Variants in TMEM26 observed in about 807,000 individuals in gnomAD.
TMEM26 encodes the protein transmembrane protein 26.
TMEM26 carries 38 observed loss-of-function variants against 28.8 expected under a neutral mutation model. The observed-to-expected ratio is 1.32, with a 90% confidence interval of 1.02 to 1.73. TMEM26 has a LOEUF of 1.73. Ranked by LOEUF, TMEM26 falls within the 40% of genes most tolerant of loss-of-function variation. The probability of loss-of-function intolerance (pLI) is 0.00; values close to 1 mark genes in which losing one functional copy is unlikely to be tolerated. For missense variants in TMEM26, 518 were observed against 447.1 expected (o/e 1.16, Z -1.43); for synonymous variants, 227 against 182.9 (o/e 1.24, Z -1.95).
chr10:61,453,271 G>A lies in TMEM26; in HGVS notation c.-190C>T. On this transcript the variant is annotated 5_prime_UTR_variant, in exon 1 of 6. Coordinates refer to ENST00000399298, the MANE Select transcript of TMEM26 (RefSeq NM_178505.8). ...GGCTCGCCCCTCCCCCAAACTTCCTGAGAACTCTTCAAAGAGGGGTGAGTC... is the reference window on the plus strand; with the variant it reads ...GGCTCGCCCCTCCCCCAAACTTCCTAAGAACTCTTCAAAGAGGGGTGAGTC... 1 of 613,212 alleles carries A rather than the reference G, an allele frequency of 1.6e-6. No homozygotes were observed. The highest frequency in any genetic ancestry group is 2.8e-6 in the Non-Finnish European group (1 of 351,342). The allele number at this position is 613,212 out of a possible 1,614,324, so 38.0% of individuals were successfully genotyped here.
chr10:61,451,686 C>T (rs566416333), intron 1 of TMEM26, among the ~76,000 whole-genome samples: 14 of 152,284 alleles, frequency 9.2e-5, no homozygotes, highest in South Asian at 6.2e-4. Flanking sequence ...GGGGTAGTCA[C>T]ATTCCCATCC....
At chr10:61,426,720 C>A (rs182873231) in intron 4 of TMEM26, among the ~76,000 whole-genome samples, 1 of 152,074 alleles carries the variant, frequency 6.6e-6, no homozygotes, top group African/African-American at 2.4e-5. Context: ...GAAGTGATCC[C>A]TTCTTCTATT....
At chr10:61,432,426 CG>C (rs763768786) in intron 2 of TMEM26, among the ~76,000 whole-genome samples, 44 of 151,802 alleles carry the variant, frequency 2.9e-4, no homozygotes, top group East Asian at 3.9e-4. Flanking sequence ...GCTGGGAATC[CG>C]AGGTAAAGTA....
chr10:61,410,558 C>G lies in TMEM26; in HGVS notation c.871G>C (p.Ala291Pro), dbSNP rs760815670. Residue 291 changes from alanine to proline, a missense_variant, in exon 6 of 6, where the codon GCG becomes CCG. Coordinates refer to ENST00000399298, the MANE Select transcript of TMEM26 (RefSeq NM_178505.8). ...AACACCACCACGAGGAAGTTCTTCGCGGCAAAGAACACCAGCATCTGATTG... is the reference window on the plus strand; with the variant it reads ...AACACCACCACGAGGAAGTTCTTCGGGGCAAAGAACACCAGCATCTGATTG... The part of the protein sequence containing the change: ...VINQMLVFFA[A>P]KNFLVVVLQL... The G allele has an allele frequency of 1.2e-6, 2 of 1,613,954 alleles. No homozygotes were observed. The highest frequency in any genetic ancestry group is 2.7e-5 in the African/African-American group (2 of 74,888).
At chr10:61,413,854 A>G (rs1026819752) in intron 4 of TMEM26, 80 of 1,008,868 alleles carry the variant, frequency 7.9e-5, no homozygotes, top group Non-Finnish European at 1.8e-5. Context: ...AAATATAGAT[A>G]TTAACATGGA....
intron 4 of TMEM26, among the ~76,000 whole-genome samples, chr10:61,420,067 A>G (rs1403081434): frequency 6.6e-6 from 1 of 152,158 alleles, no homozygotes; most frequent in African/African-American, 2.4e-5. Flanking sequence ...AAACTTAACT[A>G]CTAATAGTGT....
chr10:61,442,775 A>G (rs1473523189), intron 1 of TMEM26, among the ~76,000 whole-genome samples: 9 of 152,224 alleles, frequency 5.9e-5, no homozygotes, highest in Admixed American at 5.2e-4. Flanking sequence ...TCCTTCTTAC[A>G]TGTAGACTCA....
At chr10:61,426,613 G>GA (rs1279424919) in intron 4 of TMEM26, among the ~76,000 whole-genome samples, 1 of 152,062 alleles carries the variant, frequency 6.6e-6, no homozygotes. Context: ...AGATATCATT[G>GA]TAGGCTTTCT....
At chr10:61,433,832 G>A (rs1411801886) in intron 2 of TMEM26, among the ~76,000 whole-genome samples, 1 of 152,138 alleles carries the variant, frequency 6.6e-6, no homozygotes, top group Non-Finnish European at 1.5e-5. Context: ...AGGGCAATAT[G>A]GTTTAATGGA....
chr10:61,452,619 T>C, intron 1 of TMEM26: 1 of 439,344 alleles, frequency 2.3e-6, no homozygotes, highest in East Asian at 3.7e-5. Flanking sequence ...GCTTCCTCTC[T>C]TTACTCATCT....
At chr10:61,429,800 C>G (rs1290379377) in intron 3 of TMEM26, among the ~76,000 whole-genome samples, 1 of 152,044 alleles carries the variant, frequency 6.6e-6, no homozygotes, top group Non-Finnish European at 1.5e-5. Context: ...AAACTTACAT[C>G]CCACCAATGT....
chr10:61,424,082 T>C (rs1265756806), intron 4 of TMEM26, among the ~76,000 whole-genome samples: 1 of 152,174 alleles, frequency 6.6e-6, no homozygotes, highest in Non-Finnish European at 1.5e-5. Context: ...TGAAAGAAGT[T>C]CTTGCCAGTG....
intron 1 of TMEM26, among the ~76,000 whole-genome samples, chr10:61,447,797 C>G (rs187363952): frequency 6.6e-6 from 1 of 152,176 alleles, no homozygotes; most frequent in Non-Finnish European, 1.5e-5. Flanking sequence ...GCTCAAAGGT[C>G]ACATCCCCAG....
At chr10:61,411,518 T>C (rs933098043) in intron 5 of TMEM26, among the ~76,000 whole-genome samples, 1 of 152,234 alleles carries the variant, frequency 6.6e-6, no homozygotes, top group Admixed American at 6.5e-5. Context: ...AAAATTCAAG[T>C]GCTTATATTC....
At chr10:61,417,621 C>T (rs1295010209) in intron 4 of TMEM26, among the ~76,000 whole-genome samples, 1 of 151,824 alleles carries the variant, frequency 6.6e-6, no homozygotes, top group Middle Eastern at 3.2e-3. Flanking sequence ...AAAAATAAAA[C>T]ACAATGTAAA....
chr10:61,451,348 C>G (rs765268132), intron 1 of TMEM26, among the ~76,000 whole-genome samples: 5 of 152,172 alleles, frequency 3.3e-5, no homozygotes, highest in Admixed American at 6.5e-5. Context: ...AGAGCAGCCC[C>G]TCTTCTGAGG....
intron 4 of TMEM26, chr10:61,416,209 A>G (rs1271178095): frequency 7.4e-6 from 3 of 406,798 alleles, no homozygotes; most frequent in Non-Finnish European, 1.5e-5. Flanking sequence ...TTGAAGTTTC[A>G]TCTAATCCCA....
intron 4 of TMEM26, among the ~76,000 whole-genome samples, chr10:61,427,039 C>T (rs926266576): frequency 6.6e-6 from 1 of 151,870 alleles, no homozygotes; most frequent in Non-Finnish European, 1.5e-5. Context: ...TTACAGAAGG[C>T]TACTGTCACA....
intron 2 of TMEM26, among the ~76,000 whole-genome samples, chr10:61,433,428 G>A (rs537161464): frequency 6.6e-6 from 1 of 152,006 alleles, no homozygotes; most frequent in Non-Finnish European, 1.5e-5. Flanking sequence ...TTAAAAAAAG[G>A]CTGTGTCTTT....
Sources: gnomAD v4.1 joint callset for allele counts (sites outside exome capture counted in the v4.1 genomes callset) on GRCh38, gnomAD v4.1.1 for gene constraint, MANE v1.5 for transcripts, NCBI Gene and HGNC (gene_info 2026-07-23, HGNC 2026-07-21) for gene names.